The following UNC5C variants were observed in gnomAD, a reference collection of about 807,000 sequenced individuals.
The protein encoded by UNC5C is netrin receptor UNC5C.
In UNC5C, 47 loss-of-function variants were observed where a neutral mutation model predicts 99.8. The ratio of observed to expected loss-of-function variants is 0.47; its 90% CI spans 0.37 to 0.60. The LOEUF (loss-of-function observed/expected upper bound fraction) is 0.60. Among genes scored for constraint, UNC5C ranks in the 20% least tolerant of loss-of-function variants. UNC5C has a pLI of 0.00. For synonymous variants in UNC5C, 487 were observed against 452.2 expected (o/e 1.08, Z -0.98); for missense variants, 1,062 against 1,165.9 (o/e 0.91, Z 1.30).
chr4:95,541,802 G>A (rs563187846), intron 1 of UNC5C, among the ~76,000 whole-genome samples: 1 of 152,082 alleles, frequency 6.6e-6, no homozygotes, highest in South Asian at 2.1e-4. Flanking sequence ...CACATATAAG[G>A]TGGTTCTTCT....
At chr4:95,387,391 A>T (rs1028982796) in intron 1 of UNC5C, among the ~76,000 whole-genome samples, 2 of 152,052 alleles carry the variant, frequency 1.3e-5, no homozygotes, top group Admixed American at 6.5e-5. Flanking sequence ...CTTCTCTCCT[A>T]GGCCTCCCAA....
chr4:95,203,188 A>G (rs574891538), intron 11 of UNC5C, among the ~76,000 whole-genome samples: 1 of 152,156 alleles, frequency 6.6e-6, no homozygotes, highest in East Asian at 1.9e-4. Context: ...GCATTTTTTG[A>G]TCTTCTAAGA....
At chr4:95,187,621 A>G (rs1338840310) in intron 12 of UNC5C, among the ~76,000 whole-genome samples, 2 of 152,240 alleles carry the variant, frequency 1.3e-5, no homozygotes, top group Non-Finnish European at 2.9e-5. Flanking sequence ...CCCAAGAATC[A>G]GGCTCAGTTT....
chr4:95,243,407 A>G (rs1739394841), intron 6 of UNC5C, among the ~76,000 whole-genome samples: 1 of 152,198 alleles, frequency 6.6e-6, no homozygotes, highest in African/African-American at 2.4e-5. Context: ...GAAAAAAGAT[A>G]TAGTAAATTT....
At chr4:95,544,603 G>A (rs746910501) in intron 1 of UNC5C, among the ~76,000 whole-genome samples, 10 of 152,058 alleles carry the variant, frequency 6.6e-5, no homozygotes, top group East Asian at 3.9e-4. Flanking sequence ...GTTACATTCC[G>A]TTTCTAACAA....
chr4:95,301,417 G>C (rs1490601273), intron 3 of UNC5C, among the ~76,000 whole-genome samples, 189 bp downstream of exon 3: 1 of 151,978 alleles, frequency 6.6e-6, no homozygotes, highest in Non-Finnish European at 1.5e-5. Context: ...GGATGGTCTC[G>C]ATCTCCTGAC....
At chr4:95,224,935 T>C (rs1393410448) in intron 7 of UNC5C, among the ~76,000 whole-genome samples, 1 of 149,500 alleles carries the variant, frequency 6.7e-6, no homozygotes, top group Non-Finnish European at 1.5e-5. Flanking sequence ...AGGAGGCAAG[T>C]GCTTGATGAG....
chr4:95,330,520 T>C (rs1743069812), intron 2 of UNC5C, among the ~76,000 whole-genome samples: 1 of 152,140 alleles, frequency 6.6e-6, no homozygotes, highest in Non-Finnish European at 1.5e-5. Context: ...TGACATCTTT[T>C]ACTGCATTTT....
chr4:95,539,703 G>T (rs544065309), intron 1 of UNC5C, among the ~76,000 whole-genome samples: 1 of 152,156 alleles, frequency 6.6e-6, no homozygotes, highest in Non-Finnish European at 1.5e-5. Context: ...CAGGGAATTA[G>T]TGAACTATAT....
chr4:95,467,479 A>G (rs945362375), intron 1 of UNC5C, among the ~76,000 whole-genome samples: 1 of 152,200 alleles, frequency 6.6e-6, no homozygotes, highest in African/African-American at 2.4e-5. Context: ...TTTTCTTTTC[A>G]CATTATCACT....
chr4:95,170,076 T>C, intron 15 of UNC5C, 78 bp downstream of exon 15: 11 of 1,516,918 alleles, frequency 7.3e-6, no homozygotes, highest in Non-Finnish European at 9.7e-6. Flanking sequence ...AAAATGAAGC[T>C]AACCCTACGT....
chr4:95,381,429 A>G (rs569058345), intron 1 of UNC5C, among the ~76,000 whole-genome samples: 5 of 152,064 alleles, frequency 3.3e-5, no homozygotes, highest in African/African-American at 9.6e-5. Flanking sequence ...AGGGGCAACA[A>G]CTCCTATTTG....
At chr4:95,438,089 C>T (rs552299920) in intron 1 of UNC5C, among the ~76,000 whole-genome samples, 2 of 152,176 alleles carry the variant, frequency 1.3e-5, no homozygotes, top group African/African-American at 4.8e-5. Context: ...TGGCACCATT[C>T]TACCAGATCA....
chr4:95,337,611 A>G (rs1743399131), intron 1 of UNC5C, among the ~76,000 whole-genome samples: 2 of 151,980 alleles, frequency 1.3e-5, no homozygotes, highest in South Asian at 4.1e-4. Flanking sequence ...TAATTTAACA[A>G]TATATTTAGA....
intron 1 of UNC5C, among the ~76,000 whole-genome samples, chr4:95,459,975 A>T (rs1338234399): frequency 6.6e-6 from 1 of 152,202 alleles, no homozygotes; most frequent in Non-Finnish European, 1.5e-5. Context: ...ATGGCAACAG[A>T]TTATTATTGA....
At chr4:95,357,135 G>GTTT (rs33936765) in intron 1 of UNC5C, among the ~76,000 whole-genome samples, 30,879 of 145,832 alleles carry the variant, frequency 0.21, 3,843 homozygotes, top group African/African-American at 0.33. Flanking sequence ...CCTTTTTTTT[G>GTTT]TTTTTTTTTT....
At chr4:95,373,336 T>A (rs1744801074) in intron 1 of UNC5C, among the ~76,000 whole-genome samples, 1 of 152,152 alleles carries the variant, frequency 6.6e-6, no homozygotes, top group East Asian at 1.9e-4. Context: ...CTCCCTCCCA[T>A]AATCTGTGCC....
chr4:95,190,995 C>T (rs2149354483), intron 12 of UNC5C, among the ~76,000 whole-genome samples: 1 of 152,322 alleles, frequency 6.6e-6, no homozygotes, highest in Admixed American at 6.5e-5. Flanking sequence ...GCCTGGGCCA[C>T]TTAAGAGCCA....
At chr4:95,328,060 T>TTTA (rs70948405) in intron 2 of UNC5C, among the ~76,000 whole-genome samples, 3 of 102,514 alleles carry the variant, frequency 2.9e-5, no homozygotes, top group Admixed American at 2.2e-4. Context: ...TTTTTTTTTT[T>TTTA]AATTTTTTTT....
Sources: allele counts gnomAD v4.1 joint callset (sites outside exome capture counted in the v4.1 genomes callset), GRCh38; gene constraint gnomAD v4.1.1; transcripts MANE v1.5; gene names NCBI Gene and HGNC (gene_info 2026-07-23, HGNC 2026-07-21).